The following CLSTN2 variants were observed in gnomAD, a reference collection of about 807,000 sequenced individuals.
CLSTN2 encodes the protein calsyntenin 2.
Under a neutral mutation model 101.2 loss-of-function variants are expected in CLSTN2, and 48 were observed. The observed-to-expected ratio is 0.47, with a 90% CI of 0.38 to 0.60. CLSTN2 has a LOEUF of 0.60. Ranked by LOEUF, CLSTN2 falls within the 20% of genes least tolerant of loss-of-function variation. CLSTN2 has a pLI of 0.00. For synonymous variants in CLSTN2, 481 were observed against 463.6 expected (o/e 1.04, Z -0.48); for missense variants, 1,160 against 1,238.2 (o/e 0.94, Z 0.95).
At chr3:140,269,944 TTGTGAG>T (rs56993738) in intron 2 of CLSTN2, among the ~76,000 whole-genome samples, 24,575 of 152,128 alleles carry the variant, frequency 0.16, 4,412 homozygotes, top group African/African-American at 0.45. Context: ...TGATGAGGTT[TTGTGAG>T]GATTTGATGG....
At chr3:140,251,570 A>C (rs917057287) in intron 2 of CLSTN2, among the ~76,000 whole-genome samples, 10 of 88,578 alleles carry the variant, frequency 1.1e-4, no homozygotes, top group Non-Finnish European at 2.5e-4. Context: ...CAATAACGGC[A>C]ACTCTTAGCT....
chr3:140,549,013 G>A (rs564770038), intron 10 of CLSTN2, among the ~76,000 whole-genome samples: 1 of 147,480 alleles, frequency 6.8e-6, no homozygotes, highest in East Asian at 2.0e-4. Context: ...TGTCATTGGG[G>A]CAAGCTCAAA....
At position 140,272,981 on chromosome 3, in the gene CLSTN2, C is replaced by T. The variant is rs772985365; in HGVS notation, c.232+96908C>T. 3.9e-5 allele frequency among the ~76,000 whole-genome samples: 6 copies of T among 152,020 alleles called. No individual in the cohort carries two copies. The South Asian group carries it at 8.3e-4, about 21-fold the overall frequency. On this transcript the variant is annotated intron_variant, in intron 2 of 16. Transcript: ENST00000458420. ...TTCCCCATCCCCATGTCCTCTTTGC[C>T]GCTGTCACTCAGTGATCATTTGATA...
intron 1 of CLSTN2, among the ~76,000 whole-genome samples, chr3:140,125,315 C>G (rs1278340323): frequency 6.6e-6 from 1 of 151,920 alleles, no homozygotes; most frequent in Non-Finnish European, 1.5e-5. Flanking sequence ...AATTGTTGAC[C>G]ATTCAGGACA....
intron 1 of CLSTN2, among the ~76,000 whole-genome samples, chr3:140,038,637 T>C (rs553134402): frequency 2.0e-5 from 3 of 152,152 alleles, no homozygotes; most frequent in Non-Finnish European, 4.4e-5. Context: ...TTTTATTAAA[T>C]ACATACCCAC....
At chr3:140,119,742 C>T (rs374265938) in intron 1 of CLSTN2, among the ~76,000 whole-genome samples, 1 of 152,144 alleles carries the variant, frequency 6.6e-6, no homozygotes, top group East Asian at 1.9e-4. Flanking sequence ...TTCAAGTGAT[C>T]CTCCTGTTTC....
chr3:140,052,017 G>A (rs1294123306), intron 1 of CLSTN2, among the ~76,000 whole-genome samples: 1 of 152,238 alleles, frequency 6.6e-6, no homozygotes, highest in Non-Finnish European at 1.5e-5. Context: ...TGAAAGCGAA[G>A]ACTCAGATAG....
At chr3:140,156,292 T>C (rs569019367) in intron 1 of CLSTN2, among the ~76,000 whole-genome samples, 1 of 152,330 alleles carries the variant, frequency 6.6e-6, no homozygotes, top group South Asian at 2.1e-4. Context: ...TTCTACGATG[T>C]TTCAATTACA....
At chr3:140,216,254 G>A (rs1449490566) in intron 2 of CLSTN2, among the ~76,000 whole-genome samples, 9 of 150,596 alleles carry the variant, frequency 6.0e-5, no homozygotes, top group East Asian at 4.0e-4. Flanking sequence ...CCATGAAACC[G>A]GTCCCTAGTG....
intron 1 of CLSTN2, among the ~76,000 whole-genome samples, chr3:140,160,749 C>T (rs1048095031): frequency 6.6e-6 from 1 of 152,072 alleles, no homozygotes; most frequent in African/African-American, 2.4e-5. Context: ...CAATCTCTAC[C>T]ACATGGTGGG....
intron 2 of CLSTN2, among the ~76,000 whole-genome samples, chr3:140,318,192 T>A (rs1421351214): frequency 6.6e-6 from 1 of 152,132 alleles, no homozygotes; most frequent in African/African-American, 2.4e-5. Context: ...CTGGGAATGG[T>A]TTTACCCAGG....
Position 140,566,536 on chromosome 3 carries a change from CAG to C in CLSTN2, c.*286_*287del, listed in dbSNP as rs1936031260. 10 of 459,598 alleles carry C rather than the reference CAG, an allele frequency of 2.2e-5. No homozygotes were observed. In the South Asian group the frequency reaches 2.9e-4, roughly 14 times the overall value. 28.5% of individuals were successfully genotyped at this position (459,598 alleles called of 1,614,324 possible). ...CCCCAGCATCCTGACTACCTGTCTG[CAG>C]AGTTTGCCTTTGTTTTTTCCTGCAG... On this transcript the variant is annotated 3_prime_UTR_variant, in exon 17 of 17. Transcript: ENST00000458420.
At chr3:139,965,909 G>A (rs573642906) in intron 1 of CLSTN2, among the ~76,000 whole-genome samples, 3 of 152,244 alleles carry the variant, frequency 2.0e-5, no homozygotes, top group African/African-American at 4.8e-5. Flanking sequence ...AACTTGCCCC[G>A]TCAACCCGTT....
chr3:139,946,475 C>T (rs1340779180), intron 1 of CLSTN2, among the ~76,000 whole-genome samples: 1 of 152,194 alleles, frequency 6.6e-6, no homozygotes, highest in Non-Finnish European at 1.5e-5. Context: ...TGCTACTCCA[C>T]CTCTACCCTT....
intron 8 of CLSTN2, among the ~76,000 whole-genome samples, chr3:140,509,098 G>A (rs947731037): frequency 6.6e-6 from 1 of 152,170 alleles, no homozygotes; most frequent in African/African-American, 2.4e-5. Context: ...TTTGTTCACT[G>A]TCACATCCCC....
At chr3:139,991,548 A>G (rs1042869257) in intron 1 of CLSTN2, among the ~76,000 whole-genome samples, 1 of 152,234 alleles carries the variant, frequency 6.6e-6, no homozygotes, top group African/African-American at 2.4e-5. Context: ...ACATAGAGTG[A>G]TGTTAAATTG....
intron 1 of CLSTN2, among the ~76,000 whole-genome samples, chr3:139,978,351 G>C (rs145620346): frequency 2.0e-5 from 3 of 152,306 alleles, no homozygotes; most frequent in African/African-American, 7.2e-5. Context: ...TGATATGTGA[G>C]AGCGTGGGAC....
intron 9 of CLSTN2, among the ~76,000 whole-genome samples, chr3:140,539,849 G>A (rs964547951): frequency 1.2e-4 from 19 of 152,132 alleles, no homozygotes; most frequent in Admixed American, 4.6e-4. Context: ...CAAAGCCCTC[G>A]CCCCTATGTA....
chr3:140,041,578 C>T (rs1261537474), intron 1 of CLSTN2, among the ~76,000 whole-genome samples: 1 of 152,178 alleles, frequency 6.6e-6, no homozygotes, highest in East Asian at 1.9e-4. Flanking sequence ...GGACTTATCT[C>T]CTTCCAGCCT....
Sources: allele counts gnomAD v4.1 joint callset (sites outside exome capture counted in the v4.1 genomes callset), GRCh38; gene constraint gnomAD v4.1.1; transcripts MANE v1.5; gene names NCBI Gene and HGNC (gene_info 2026-07-23, HGNC 2026-07-21).